Variants in TMC2 observed in about 807,000 individuals in gnomAD.
TMC2 encodes the protein transmembrane channel-like protein 2.
Under a neutral mutation model 105.9 loss-of-function variants are expected in TMC2, and 102 were observed. That is an observed-to-expected ratio of 0.96 (90% CI 0.82 to 1.14). The LOEUF is 1.14. Among genes scored for constraint, TMC2 ranks in the 50% most tolerant of loss-of-function variants. The pLI is 0.00. For missense variants in TMC2, 1,093 were observed against 1,134.3 expected (o/e 0.96, Z 0.52); for synonymous variants, 402 against 422.8 (o/e 0.95, Z 0.60).
At chr20:2,549,512 G>A (rs112972916) in intron 2 of TMC2, among the ~76,000 whole-genome samples, 2,008 of 152,234 alleles carry the variant, frequency 0.013, 45 homozygotes, top group African/African-American at 0.045. Flanking sequence ...GGAGGCCAAG[G>A]CGGGCGGATC....
At chr20:2,610,958 A>G (rs977046268) in intron 12 of TMC2, among the ~76,000 whole-genome samples, 10 of 152,228 alleles carry the variant, frequency 6.6e-5, no homozygotes, top group East Asian at 1.9e-4. Flanking sequence ...CCGTTTATCA[A>G]TGCTCACCAC....
At chr20:2,623,637 A>G (rs573602167) in intron 16 of TMC2, among the ~76,000 whole-genome samples, 15 of 152,284 alleles carry the variant, frequency 9.9e-5, no homozygotes, top group Non-Finnish European at 1.8e-4. Context: ...CAAACCCCGT[A>G]TTCCACCTCT....
At chr20:2,541,646 CAA>C (rs765976017) in intron 2 of TMC2, among the ~76,000 whole-genome samples, 18 of 76,828 alleles carry the variant, frequency 2.3e-4, no homozygotes, top group Admixed American at 5.4e-4. Flanking sequence ...GTCTCAAAAC[CAA>C]AAAAAAAAAA....
chr20:2,577,826 T>G (rs1298101869), intron 5 of TMC2, among the ~76,000 whole-genome samples: 1 of 151,760 alleles, frequency 6.6e-6, no homozygotes, highest in Non-Finnish European at 1.5e-5. Flanking sequence ...GCCCAGGAGG[T>G]CAAGGCTGCA....
intron 7 of TMC2, among the ~76,000 whole-genome samples, chr20:2,582,375 C>T (rs2086198300): frequency 6.6e-6 from 1 of 152,062 alleles, no homozygotes; most frequent in South Asian, 2.1e-4. Flanking sequence ...CAGAGATATC[C>T]CCACGACCCA....
rs886673887 is a variant in TMC2 at position 2,558,860 on chromosome 20, GC to G, written c.401+92del. The G allele has an allele frequency of 2.2e-6, 3 of 1,356,306 alleles. No individual in the cohort carries two copies. Among genetic ancestry groups the G allele is most frequent in the South Asian group, 3.0e-5 (2 of 65,670 alleles). 84.0% of individuals were successfully genotyped at this position (1,356,306 alleles called of 1,614,324 possible). On this transcript the variant is annotated intron_variant, in intron 3 of 19. Coordinates refer to ENST00000358864, the MANE Select transcript of TMC2 (RefSeq NM_080751.3). The surrounding 1 kb of genome is among the most constrained non-coding windows in gnomAD (Gnocchi z 4.6). ...TCCCCTTCCCCCGTGAGGGACTGAT[GC>G]CCCCCTCCCCGGGGAGAGGCAGCCC...
At chr20:2,622,493 C>A (rs1227465449) in intron 16 of TMC2, among the ~76,000 whole-genome samples, 1 of 152,084 alleles carries the variant, frequency 6.6e-6, no homozygotes. Context: ...CATGGCGAAA[C>A]CCCGTCTCTA....
In TMC2 at chr20:2,579,055, A is replaced by T. The variant is rs567507303; in HGVS notation, c.646-91A>T. The T allele has an allele frequency of 2.2e-5, 16 of 720,320 alleles. No individual in the cohort carries two copies. The East Asian group carries it at 3.1e-4, about 14-fold the overall frequency. The allele number at this position is 720,320 out of a possible 1,614,324, so 44.6% of individuals were successfully genotyped here. A position where few individuals can be genotyped will look rare whatever the true frequency, so the allele number is the denominator to read the frequency against. The stretch of plus-strand genomic sequence containing the variant: ...GCTTCACCCATGCTGACTCATGCTG[A>T]CCTGTCGGCCTCCTCGTGCCCCTCA... On this transcript the variant is annotated intron_variant, in intron 5 of 19. Coordinates refer to ENST00000358864, the MANE Select transcript of TMC2 (RefSeq NM_080751.3).
At chr20:2,562,506 G>T (rs2086034550) in intron 4 of TMC2, among the ~76,000 whole-genome samples, 1 of 152,252 alleles carries the variant, frequency 6.6e-6, no homozygotes, top group South Asian at 2.1e-4. Context: ...ACCAGGCCAA[G>T]CTGGCCCCCA....
At chr20:2,627,981 G>A (rs560313715) in intron 17 of TMC2, among the ~76,000 whole-genome samples, 10 of 151,992 alleles carry the variant, frequency 6.6e-5, no homozygotes, top group East Asian at 5.8e-4. Context: ...CAGCCTGGCC[G>A]GCATGGTGAA....
chr20:2,537,403 T>C, intron 2 of TMC2, 87 bp downstream of exon 2: 1 of 1,091,836 alleles, frequency 9.2e-7, no homozygotes, highest in East Asian at 2.6e-5. Flanking sequence ...CCATCCAACA[T>C]TCTCCTTCAT....
chr20:2,558,091 A>C lies in TMC2; in HGVS notation c.83-365A>C. ...AAGTATGATCGGAGGACAAAAGGGTATGATGTCATGGTAATCAACCAGGGG... is the reference window on the plus strand; with the variant it reads ...AAGTATGATCGGAGGACAAAAGGGTCTGATGTCATGGTAATCAACCAGGGG... On this transcript the variant is annotated intron_variant, in intron 2 of 19. Coordinates refer to ENST00000358864, the MANE Select transcript of TMC2 (RefSeq NM_080751.3). This position sits in a 1 kb window ranked among gnomAD's most constrained non-coding sequence, Gnocchi z 4.6. 4.1e-6 allele frequency: 1 copy of C among 244,926 alleles called. No individual in the cohort carries two copies. The highest frequency in any genetic ancestry group is 8.0e-6 in the Non-Finnish European group (1 of 125,148). 15.2% of individuals were successfully genotyped at this position (244,926 alleles called of 1,614,324 possible).
intron 4 of TMC2, among the ~76,000 whole-genome samples, chr20:2,571,907 ATAT>A (rs979612193): frequency 2.9e-4 from 44 of 152,328 alleles, no homozygotes; most frequent in East Asian, 1.2e-3. Flanking sequence ...GCCATGTAAC[ATAT>A]TATATTCATG....
chr20:2,572,156 C>CTTTTTT, intron 4 of TMC2, 23 bp from the exon 5 acceptor site: 1 of 1,273,998 alleles, frequency 7.8e-7, no homozygotes, highest in Non-Finnish European at 1.1e-6. Flanking sequence ...TGAAATCCTG[C>CTTTTTT]TTTTTTTTTT....
intron 16 of TMC2, among the ~76,000 whole-genome samples, chr20:2,623,436 G>A (rs2086539960): frequency 6.6e-6 from 1 of 152,044 alleles, no homozygotes; most frequent in Non-Finnish European, 1.5e-5. Flanking sequence ...TTACTTGAAA[G>A]GCTGAGGCAG....
chr20:2,624,199 G>T (rs2086547579), intron 16 of TMC2, 72 bp from the exon 17 acceptor site: 1 of 1,518,906 alleles, frequency 6.6e-7, no homozygotes, highest in Non-Finnish European at 8.9e-7. Context: ...CTGGGTAGGG[G>T]GGCCATGGAC....
intron 2 of TMC2, among the ~76,000 whole-genome samples, chr20:2,538,383 C>A (rs1040884796): frequency 6.6e-6 from 1 of 152,198 alleles, no homozygotes; most frequent in Non-Finnish European, 1.5e-5. Flanking sequence ...CTCTTTATCT[C>A]AATCCAAAGA....
intron 17 of TMC2, among the ~76,000 whole-genome samples, chr20:2,625,000 C>T (rs1476348783): frequency 6.7e-6 from 1 of 148,982 alleles, no homozygotes; most frequent in African/African-American, 2.4e-5. Context: ...CTGTCCCCCT[C>T]AACAACCATT....
chr20:2,594,939 G>A lies in TMC2; in HGVS notation c.1048G>A (p.Gly350Ser), dbSNP rs766437165. 13 of 1,613,858 alleles carry A rather than the reference G, an allele frequency of 8.1e-6. No individual in the cohort carries two copies. The East Asian group carries it at 8.9e-5, about 11-fold the overall frequency. Residue 350 changes from glycine to serine, a missense_variant, in exon 9 of 20, where the codon GGC becomes AGC. By Grantham distance (56) the Gly-to-Ser change is moderately conservative. Coordinates refer to ENST00000358864, the MANE Select transcript of TMC2 (RefSeq NM_080751.3). ...AYFMVGVSVF[G>S]YSLIIVIRSM... ...CTTTATGGTGGGGGTCAGCGTGTTCGGCTACAGCCTGATTATTGTCATTCG... is the reference window on the plus strand; with the variant it reads ...CTTTATGGTGGGGGTCAGCGTGTTCAGCTACAGCCTGATTATTGTCATTCG...
Sources: allele counts gnomAD v4.1 joint callset (sites outside exome capture counted in the v4.1 genomes callset), GRCh38; gene constraint gnomAD v4.1.1; non-coding constraint Gnocchi (gnomAD v3.1); transcripts MANE v1.5; gene names NCBI Gene and HGNC (gene_info 2026-07-23, HGNC 2026-07-21).